The following FGF13 variants were observed in gnomAD, a reference collection of about 807,000 sequenced individuals.
FGF13 encodes the protein fibroblast growth factor 13.
In FGF13, 2 loss-of-function variants were observed where a neutral mutation model predicts 19.5. That is an observed-to-expected ratio of 0.10 (90% CI 0.04 to 0.32). The LOEUF (loss-of-function observed/expected upper bound fraction) is 0.32, where lower values mean the gene tolerates loss of function less well. Ranked by LOEUF, FGF13 falls within the 10% of genes least tolerant of loss-of-function variation. FGF13 has a pLI of 1.00. For missense variants in FGF13, 113 were observed against 192.7 expected (o/e 0.59, Z 2.45); for synonymous variants, 72 against 76.9 (o/e 0.94, Z 0.33).
intron 1 of FGF13, among the ~76,000 whole-genome samples, chrX:139,142,531 A>G (rs977021288): frequency 1.8e-5 from 2 of 111,090 alleles, no homozygotes; most frequent in East Asian, 2.8e-4. Context: ...AGTTTGGGGG[A>G]AAAAGTGGTT....
intron 1 of FGF13, among the ~76,000 whole-genome samples, chrX:138,726,109 C>G (rs1161003747): frequency 9.0e-6 from 1 of 111,100 alleles, no homozygotes; most frequent in Non-Finnish European, 1.9e-5. Flanking sequence ...GTTACATGAC[C>G]TCCAAGGCCT....
intron 4 of FGF13, 128 bp from the exon 5 acceptor site, chrX:138,633,114 T>C (rs2089140242): frequency 3.2e-6 from 2 of 627,024 alleles, no homozygotes; most frequent in Non-Finnish European, 4.5e-6. Context: ...GTAATGCATA[T>C]GTTAATTAGC....
chrX:139,108,568 C>T (rs1375941340), intron 1 of FGF13, among the ~76,000 whole-genome samples: 1 of 111,777 alleles, frequency 8.9e-6, no homozygotes, highest in Non-Finnish European at 1.9e-5. Context: ...TAAAATATGT[C>T]GTAGCTGTAC....
intron 3 of FGF13, among the ~76,000 whole-genome samples, chrX:138,845,151 G>A (rs1234521793): frequency 9.0e-6 from 1 of 111,130 alleles, no homozygotes; most frequent in African/African-American, 3.3e-5. Context: ...ATATTTAGCG[G>A]GTTTAAGCCA....
Position 138,697,419 on chromosome X carries a change from T to C in FGF13, c.402+5565A>G, listed in dbSNP as rs772547180. 2.7e-5 allele frequency among the ~76,000 whole-genome samples: 3 copies of C among 109,890 alleles called. No individual in the cohort carries two copies. In the South Asian group the frequency reaches 1.2e-3, roughly 44 times the overall value. ...AGTAACACAAGCTGTCTCATTCCCA[T>C]GGCATCAAGCTGACTCTCAGAAAGA... On this transcript the variant is annotated intron_variant, in intron 3 of 4. Transcript: ENST00000315930.
chrX:138,876,852 C>A (rs1041814791), intron 1 of FGF13, among the ~76,000 whole-genome samples: 1 of 112,019 alleles, frequency 8.9e-6, no homozygotes, highest in African/African-American at 3.3e-5. Flanking sequence ...ATAAAGATTA[C>A]CATGATAAAG....
intron 1 of FGF13, among the ~76,000 whole-genome samples, chrX:138,923,825 G>C (rs2091658804): frequency 9.0e-6 from 1 of 111,447 alleles, no homozygotes; most frequent in African/African-American, 3.3e-5. Context: ...CTCTAGATAA[G>C]CATATGTATG....
chrX:138,661,148 T>C (rs1411351726), intron 3 of FGF13, among the ~76,000 whole-genome samples: 1 of 111,560 alleles, frequency 9.0e-6, no homozygotes, highest in Non-Finnish European at 1.9e-5. Flanking sequence ...GGCTAGTATA[T>C]GTCCATGGAA....
At chrX:139,131,977 A>G (rs2083765631) in intron 1 of FGF13, among the ~76,000 whole-genome samples, 2 of 112,094 alleles carry the variant, frequency 1.8e-5, no homozygotes, top group Admixed American at 1.9e-4. Context: ...TAGCACATAC[A>G]GAAGGTTATT....
intron 1 of FGF13, among the ~76,000 whole-genome samples, chrX:139,076,746 G>A (rs747796408): frequency 5.4e-4 from 60 of 112,025 alleles, no homozygotes; most frequent in African/African-American, 1.6e-3. Flanking sequence ...TCACCTTGAC[G>A]TTGGGAAAGA....
chrX:139,177,327 G>C (rs1368315153), intron 1 of FGF13, among the ~76,000 whole-genome samples: 1 of 98,580 alleles, frequency 1.0e-5, no homozygotes, highest in East Asian at 3.4e-4. Flanking sequence ...TTGCACATGA[G>C]ATGGGTCCCC....
intron 1 of FGF13, among the ~76,000 whole-genome samples, chrX:138,964,360 A>G (rs984356555): frequency 3.6e-5 from 4 of 112,037 alleles, no homozygotes; most frequent in African/African-American, 6.5e-5. Context: ...CAAGCTAAAA[A>G]TAGTGGCTAG....
chrX:139,158,131 AG>A (rs1252343112), intron 1 of FGF13, among the ~76,000 whole-genome samples: 1 of 111,491 alleles, frequency 9.0e-6, no homozygotes, highest in Admixed American at 9.5e-5. Context: ...AGATTCTCTC[AG>A]GTGCCAACAC....
At chrX:138,778,375 G>A (rs2124353047) in intron 3 of FGF13, among the ~76,000 whole-genome samples, 1 of 111,827 alleles carries the variant, frequency 8.9e-6, no homozygotes, top group Admixed American at 9.4e-5. Context: ...GCAGAAGACA[G>A]GTGATTTCTG....
intron 1 of FGF13, among the ~76,000 whole-genome samples, chrX:139,150,951 C>T (rs775228189): frequency 8.1e-5 from 9 of 110,926 alleles, no homozygotes; most frequent in Non-Finnish European, 1.5e-4. Context: ...TTTTCTCATA[C>T]TCTGTCCATA....
intron 1 of FGF13, among the ~76,000 whole-genome samples, chrX:139,004,062 G>A (rs1473952442): frequency 2.7e-5 from 3 of 112,758 alleles, no homozygotes; most frequent in Non-Finnish European, 5.6e-5. Flanking sequence ...GGGACTGGGC[G>A]CTGTGGAGCA....
chrX:138,935,716 C>T (rs1479574245), intron 1 of FGF13, among the ~76,000 whole-genome samples: 5 of 94,947 alleles, frequency 5.3e-5, no homozygotes, highest in African/African-American at 1.1e-4. Flanking sequence ...TCTGTGGAAC[C>T]TCCATTGCAA....
chrX:139,019,800 G>GA (rs952906485), intron 1 of FGF13, among the ~76,000 whole-genome samples: 69 of 106,308 alleles, frequency 6.5e-4, no homozygotes, highest in South Asian at 4.8e-3. Flanking sequence ...AACCAGTCTA[G>GA]AAAAAAAAAG....
intron 3 of FGF13, among the ~76,000 whole-genome samples, chrX:138,636,637 T>C (rs900520893): frequency 9.0e-6 from 1 of 111,413 alleles, no homozygotes; most frequent in African/African-American, 3.3e-5. Flanking sequence ...CTACTTGGAG[T>C]GGAAGATTAT....
Sources: gnomAD v4.1 joint callset for allele counts (sites outside exome capture counted in the v4.1 genomes callset) on GRCh38, gnomAD v4.1.1 for gene constraint, MANE v1.5 for transcripts, NCBI Gene and HGNC (gene_info 2026-07-23, HGNC 2026-07-21) for gene names.